RGS20: variants seen among roughly 807,000 people sequenced by gnomAD.
The protein encoded by RGS20 is regulator of G protein signaling 20.
A neutral mutation model predicts 33.6 loss-of-function variants in RGS20; 30 were observed. The ratio of observed to expected loss-of-function variants is 0.89; its 90% CI spans 0.67 to 1.21. RGS20 has a LOEUF of 1.21. Among genes scored for constraint, RGS20 ranks in the 50% most tolerant of loss-of-function variants. The pLI is 0.00. For synonymous variants in RGS20, 208 were observed against 197.9 expected (o/e 1.05, Z -0.43); for missense variants, 472 against 502.4 (o/e 0.94, Z 0.58).
chr8:53,857,910 T>A (rs890851106), intron 1 of RGS20, among the ~76,000 whole-genome samples: 39 of 151,942 alleles, frequency 2.6e-4, no homozygotes, highest in Admixed American at 2.4e-3. Context: ...AAAAAAAAAA[T>A]AGATGAGATG....
Position 53,895,648 on chromosome 8 carries a change from C to CT in RGS20, c.510+16060dup, listed in dbSNP as rs564840669. Among the ~76,000 whole-genome samples the CT allele has an allele frequency of 2.2e-3, 312 of 142,680 alleles. 1 individual carries two copies. The highest frequency in any genetic ancestry group is 0.019 in the East Asian group (94 of 4,878). The allele number at this position is 142,680 out of a possible 152,430, so 93.6% of individuals were successfully genotyped here. A position where few individuals can be genotyped will look rare whatever the true frequency, so the allele number is the denominator to read the frequency against. ...CTAATAATAGTTTTTCTTTTTATTC[C>CT]TTTTTTTTTTTTTTGAGACAGGGTC... On this transcript the variant is annotated intron_variant, in intron 2 of 5. Coordinates refer to ENST00000297313, the MANE Select transcript of RGS20 (RefSeq NM_170587.4).
At chr8:53,945,128 A>G (rs1814435326) in intron 3 of RGS20, among the ~76,000 whole-genome samples, 1 of 152,186 alleles carries the variant, frequency 6.6e-6, no homozygotes, top group Non-Finnish European at 1.5e-5. Flanking sequence ...AAACACAAAT[A>G]TATGTTCGCA....
chr8:53,880,026 A>G (rs554393779), intron 2 of RGS20: 1 of 171,924 alleles, frequency 5.8e-6, no homozygotes, highest in African/African-American at 2.4e-5. Context: ...ACGTGATGTT[A>G]TTTTTGTGTC....
In RGS20 at chr8:53,881,087, G is replaced by C. The variant is rs2038546774; in HGVS notation, c.510+1485G>C. 2.0e-6 allele frequency: 3 copies of C among 1,535,194 alleles called. No homozygotes were observed. Among genetic ancestry groups the C allele is most frequent in the South Asian group, 1.2e-5 (1 of 81,722 alleles). On this transcript the variant is annotated intron_variant, in intron 2 of 5. Coordinates refer to ENST00000297313, the MANE Select transcript of RGS20 (RefSeq NM_170587.4). ...CCGGCAGGGTGGACGGTGGGCTCGTGAGTATCCCAGTTCCTCGAACTCTCT... is the reference window on the plus strand; with the variant it reads ...CCGGCAGGGTGGACGGTGGGCTCGTCAGTATCCCAGTTCCTCGAACTCTCT...
At chr8:53,940,009 T>C (rs1814244186) in intron 3 of RGS20, among the ~76,000 whole-genome samples, 1 of 152,154 alleles carries the variant, frequency 6.6e-6, no homozygotes, top group Non-Finnish European at 1.5e-5. Context: ...TATCAACATT[T>C]GGGCAGAAAT....
rs138636662 is a variant in RGS20, at chr8:53,874,367, GGTGTGTGTGT to G, written c.166-4865_166-4856del. The stretch of plus-strand genomic sequence containing the variant: ...CCCCAGAGAATCAGAAGCAATAAGG[GGTGTGTGTGT>G]GTGTGTGTGTGTGTGTGTGTGTGTG... On this transcript the variant is annotated intron_variant, in intron 1 of 5. Coordinates refer to ENST00000297313, the MANE Select transcript of RGS20 (RefSeq NM_170587.4). Among the ~76,000 whole-genome samples the G allele has an allele frequency of 3.3e-3, 490 of 146,574 alleles. 2 individuals are homozygous for G. Among genetic ancestry groups the G allele is most frequent in the African/African-American group, 0.01 (418 of 39,918 alleles).
intron 2 of RGS20, among the ~76,000 whole-genome samples, chr8:53,882,426 G>C (rs1585883176): frequency 6.6e-6 from 1 of 152,248 alleles, no homozygotes; most frequent in South Asian, 2.1e-4. Context: ...GGCCGTGCGA[G>C]AGCTCGCGGA....
chr8:53,916,935 T>A (rs537005650), intron 2 of RGS20, among the ~76,000 whole-genome samples: 35 of 152,208 alleles, frequency 2.3e-4, no homozygotes, highest in African/African-American at 7.7e-4. Context: ...GCCTCTTTCA[T>A]AAGGACACGA....
At chr8:53,860,739 G>A (rs1372249869) in intron 1 of RGS20, among the ~76,000 whole-genome samples, 1 of 152,236 alleles carries the variant, frequency 6.6e-6, no homozygotes, top group African/African-American at 2.4e-5. Context: ...GCCAAGACAG[G>A]TGGATCACTT....
chr8:53,920,212 G>A (rs1475872750), intron 2 of RGS20, among the ~76,000 whole-genome samples: 1 of 151,552 alleles, frequency 6.6e-6, no homozygotes, highest in African/African-American at 2.4e-5. Flanking sequence ...ATCGTTTTGT[G>A]GTTTCCAGTG....
chr8:53,938,617 A>G (rs1814201371), intron 2 of RGS20, among the ~76,000 whole-genome samples: 2 of 152,250 alleles, frequency 1.3e-5, no homozygotes, highest in South Asian at 4.1e-4. Context: ...CAATAGGAAC[A>G]GACAAATCTA....
chr8:53,953,918 G>T (rs138323251), intron 4 of RGS20, among the ~76,000 whole-genome samples, 158 bp from the exon 4 acceptor site: 1 of 152,250 alleles, frequency 6.6e-6, no homozygotes, highest in Non-Finnish European at 1.5e-5. Context: ...TTTCCCAAAG[G>T]TTTGAGGAAA....
intron 2 of RGS20, among the ~76,000 whole-genome samples, chr8:53,935,998 C>T (rs1814119481): frequency 1.3e-5 from 2 of 152,120 alleles, no homozygotes; most frequent in Non-Finnish European, 1.5e-5. Flanking sequence ...TGACGAAAAC[C>T]ACATGATTAT....
intron 3 of RGS20, among the ~76,000 whole-genome samples, chr8:53,941,394 C>T (rs981414749): frequency 2.0e-5 from 3 of 152,082 alleles, no homozygotes; most frequent in Non-Finnish European, 4.4e-5. Flanking sequence ...GAGTTTACTG[C>T]CTGCAAACCT....
intron 2 of RGS20, among the ~76,000 whole-genome samples, chr8:53,901,727 T>C (rs966687432): frequency 6.6e-6 from 1 of 152,166 alleles, no homozygotes; most frequent in Admixed American, 6.5e-5. Context: ...CACGCACCTG[T>C]AGTCCGAGCT....
chr8:53,953,021 A>AT (rs1814754608), intron 4 of RGS20, among the ~76,000 whole-genome samples: 1 of 152,194 alleles, frequency 6.6e-6, no homozygotes, highest in Non-Finnish European at 1.5e-5. Flanking sequence ...TGGCGCATTC[A>AT]TAAGTGTTCA....
At chr8:53,919,981 C>A (rs1053222900) in intron 2 of RGS20, among the ~76,000 whole-genome samples, 7 of 152,116 alleles carry the variant, frequency 4.6e-5, no homozygotes, top group African/African-American at 1.7e-4. Flanking sequence ...CTATGTGATC[C>A]TCCCACTTCA....
intron 2 of RGS20, among the ~76,000 whole-genome samples, chr8:53,920,065 G>A (rs1299188235): frequency 6.6e-6 from 1 of 151,970 alleles, no homozygotes; most frequent in Non-Finnish European, 1.5e-5. Flanking sequence ...AGTAGAGAAG[G>A]TGTTTCACCC....
At chr8:53,866,570 C>T (rs1029019286) in intron 1 of RGS20, among the ~76,000 whole-genome samples, 46 of 151,910 alleles carry the variant, frequency 3.0e-4, no homozygotes, top group African/African-American at 9.2e-4. Flanking sequence ...TTAGTAGAGA[C>T]GGGGTTTCAC....
Sources: allele counts gnomAD v4.1 joint callset (sites outside exome capture counted in the v4.1 genomes callset), GRCh38; gene constraint gnomAD v4.1.1; transcripts MANE v1.5; gene names NCBI Gene and HGNC (gene_info 2026-07-23, HGNC 2026-07-21).